DGKI: variants seen among roughly 807,000 people sequenced by gnomAD.
DGKI encodes the protein DAG kinase iota.
In DGKI, 55 loss-of-function variants were observed where a neutral mutation model predicts 147.5. That is an observed-to-expected ratio of 0.37 (90% confidence interval 0.30 to 0.47). DGKI has a LOEUF of 0.47. Among genes scored for constraint, DGKI ranks in the 20% least tolerant of loss-of-function variants. DGKI has a pLI of 1.00. For missense variants in DGKI, 1,007 were observed against 1,323.8 expected (o/e 0.76, Z 3.71); for synonymous variants, 469 against 477.1 (o/e 0.98, Z 0.22).
intron 19 of DGKI, among the ~76,000 whole-genome samples, chr7:137,554,914 CTTTT>C (rs757320303): frequency 2.8e-5 from 3 of 107,430 alleles, no homozygotes; most frequent in African/African-American, 3.9e-5. Context: ...AAACTATTTT[CTTTT>C]TTTTTTTTTT....
intron 3 of DGKI, 102 bp from the exon 4 acceptor site, chr7:137,656,642 G>T: frequency 2.0e-6 from 2 of 1,023,756 alleles, no homozygotes; most frequent in African/African-American, 1.6e-5. Flanking sequence ...CATAAATACA[G>T]CAAACATTGT....
chr7:137,786,863 A>G (rs1045273921), intron 1 of DGKI, among the ~76,000 whole-genome samples: 3 of 152,162 alleles, frequency 2.0e-5, no homozygotes, highest in African/African-American at 7.2e-5. Flanking sequence ...AAACAACAAC[A>G]TAAAGAGGGG....
chr7:137,493,381 G>T (rs1395506406), intron 21 of DGKI, among the ~76,000 whole-genome samples: 2 of 152,196 alleles, frequency 1.3e-5, no homozygotes, highest in Non-Finnish European at 2.9e-5. Context: ...TCACACTGCT[G>T]TTGCTTCTGG....
intron 20 of DGKI, among the ~76,000 whole-genome samples, chr7:137,547,253 A>G (rs946419011): frequency 6.6e-6 from 1 of 151,220 alleles, no homozygotes; most frequent in Non-Finnish European, 1.5e-5. Context: ...GCTATGATAA[A>G]TGACATATGC....
chr7:137,723,044 C>T (rs1362733040), intron 1 of DGKI, among the ~76,000 whole-genome samples: 2 of 152,126 alleles, frequency 1.3e-5, no homozygotes, highest in Admixed American at 6.5e-5. Flanking sequence ...TATTATCAAC[C>T]TCATAGATTT....
intron 19 of DGKI, among the ~76,000 whole-genome samples, chr7:137,566,778 A>C (rs1818599347): frequency 6.6e-6 from 1 of 152,170 alleles, no homozygotes; most frequent in Non-Finnish European, 1.5e-5. Flanking sequence ...ATCTCTCCTG[A>C]AAAGATCTCC....
chr7:137,779,284 GA>G (rs11320206), intron 1 of DGKI, among the ~76,000 whole-genome samples: 29,627 of 150,446 alleles, frequency 0.2, 4,116 homozygotes, highest in African/African-American at 0.39. Flanking sequence ...TGTTCATATG[GA>G]AAAAAAAAGA....
At chr7:137,434,647 T>C (rs1335069175) in intron 28 of DGKI, among the ~76,000 whole-genome samples, 1 of 151,898 alleles carries the variant, frequency 6.6e-6, no homozygotes, top group East Asian at 1.9e-4. Flanking sequence ...CAATCAACCT[T>C]CAAAAGACAA....
In DGKI at chr7:137,382,933, C is replaced by T. The variant is rs1811092743; in HGVS notation, c.*8287G>A. The T allele has an allele frequency of 6.6e-6, 1 of 151,992 alleles. No individual in the cohort carries two copies. Among genetic ancestry groups the T allele is most frequent in the Admixed American group, 6.6e-5 (1 of 15,246 alleles). The allele number at this position is 151,992 out of a possible 1,614,324, so 9.4% of individuals were successfully genotyped here. A position where few individuals can be genotyped will look rare whatever the true frequency, so the allele number is the denominator to read the frequency against. ...GATGATGGGCAATTAAAACTGTAAT[C>T]CACCTAGACAGAAATATGACAGAAA... On this transcript the variant is annotated 3_prime_UTR_variant, in exon 33 of 33. Coordinates refer to ENST00000614521, the MANE Select transcript of DGKI (RefSeq NM_001321708.2).
intron 6 of DGKI, among the ~76,000 whole-genome samples, chr7:137,634,989 C>T (rs1008133474): frequency 5.9e-5 from 9 of 152,030 alleles, no homozygotes; most frequent in African/African-American, 1.7e-4. Flanking sequence ...TTGGCCAGGG[C>T]CCTGGAGGGA....
At chr7:137,522,093 A>C (rs1816982353) in intron 20 of DGKI, 127 bp from the exon 21 acceptor site, 1 of 646,148 alleles carries the variant, frequency 1.5e-6, no homozygotes, top group Admixed American at 3.5e-5. Flanking sequence ...CAAACCAGAA[A>C]GGTGGGTTCC....
Position 137,846,314 on chromosome 7 carries a change from G to C in DGKI, c.401+148C>G, listed in dbSNP as rs1798726813. Reference sequence around the variant, plus strand: ...GGAATGATAGGATGGGGAGAAGACAGACATCCCCGGGAGGAGAGGGGGAAA... The same window carrying C: ...GGAATGATAGGATGGGGAGAAGACACACATCCCCGGGAGGAGAGGGGGAAA... On this transcript the variant is annotated intron_variant, in intron 1 of 32. Transcript: ENST00000614521. This position sits in a 1 kb window ranked among gnomAD's most constrained non-coding sequence, Gnocchi z 4.0. 5.9e-6 allele frequency: 3 copies of C among 510,696 alleles called. No individual in the cohort carries two copies. In the South Asian group the frequency reaches 6.0e-5, roughly 10 times the overall value. The allele number at this position is 510,696 out of a possible 1,614,324, so 31.6% of individuals were successfully genotyped here.
At chr7:137,514,392 C>A (rs1364100398) in intron 21 of DGKI, among the ~76,000 whole-genome samples, 1 of 152,172 alleles carries the variant, frequency 6.6e-6, no homozygotes, top group Non-Finnish European at 1.5e-5. Context: ...TTTCACTCCA[C>A]AATCTCGTGA....
intron 19 of DGKI, among the ~76,000 whole-genome samples, chr7:137,559,957 C>A (rs574837649): frequency 6.6e-6 from 1 of 152,086 alleles, no homozygotes; most frequent in Non-Finnish European, 1.5e-5. Flanking sequence ...TATACCCTAT[C>A]CATCTTTTAA....
chr7:137,641,361 T>C (rs1821618730), intron 6 of DGKI, among the ~76,000 whole-genome samples: 3 of 152,214 alleles, frequency 2.0e-5, no homozygotes, highest in African/African-American at 7.2e-5. Flanking sequence ...AGTTTAACTA[T>C]GTATTACAGG....
chr7:137,495,849 C>T (rs7341533), intron 21 of DGKI, among the ~76,000 whole-genome samples: 24,971 of 152,004 alleles, frequency 0.16, 3,066 homozygotes, highest in African/African-American at 0.36. Flanking sequence ...CATAAGCCAA[C>T]ATCATACTGA....
At chr7:137,767,525 GAGA>G (rs1796053748) in intron 1 of DGKI, among the ~76,000 whole-genome samples, 1 of 147,502 alleles carries the variant, frequency 6.8e-6, no homozygotes. Context: ...GAGAAGAGAA[GAGA>G]AGAGTAGAGT....
intron 1 of DGKI, among the ~76,000 whole-genome samples, chr7:137,720,250 C>CT (rs552382033): frequency 0.37 from 32,988 of 88,018 alleles, 8,461 homozygotes; most frequent in Non-Finnish European, 0.5. Context: ...TTGAAAAAAT[C>CT]TTTTTTTTTT....
intron 1 of DGKI, chr7:137,722,539 C>T (rs1464971945): frequency 1.2e-6 from 2 of 1,605,942 alleles, no homozygotes; most frequent in Admixed American, 3.3e-5. Flanking sequence ...CAATCGAGTT[C>T]CTCTACGAAG....
Sources: gnomAD v4.1 joint callset for allele counts (sites outside exome capture counted in the v4.1 genomes callset) on GRCh38, gnomAD v4.1.1 for gene constraint, Gnocchi (gnomAD v3.1) non-coding constraint, MANE v1.5 for transcripts, NCBI Gene and HGNC (gene_info 2026-07-23, HGNC 2026-07-21) for gene names.